Variants in LPP observed in about 807,000 individuals in gnomAD.
The protein encoded by LPP is LIM domain containing preferred translocation partner in lipoma, also known as lipoma-preferred partner.
A neutral mutation model predicts 60.4 loss-of-function variants in LPP; 38 were observed. That is an observed-to-expected ratio of 0.63 (90% CI 0.49 to 0.83). The LOEUF is 0.83. LPP is among the 40% of genes least tolerant of loss of function. The probability of loss-of-function intolerance (pLI) is 0.00; values close to 1 mark genes in which losing one functional copy is unlikely to be tolerated. For missense variants in LPP, 902 were observed against 783.6 expected (o/e 1.15, Z -1.80); for synonymous variants, 328 against 290.8 (o/e 1.13, Z -1.30).
At chr3:188,206,514 CAAGA>C (rs1311349017) in intron 1 of LPP, among the ~76,000 whole-genome samples, 1 of 152,202 alleles carries the variant, frequency 6.6e-6, no homozygotes, top group Non-Finnish European at 1.5e-5. Context: ...CACCGGCTCA[CAAGA>C]AAGGCAAGGT....
chr3:188,496,681 A>G (rs1471911538), intron 5 of LPP, among the ~76,000 whole-genome samples: 1 of 151,950 alleles, frequency 6.6e-6, no homozygotes, highest in African/African-American at 2.4e-5. Context: ...CTTTATATTC[A>G]TTTTTAGTGA....
At chr3:188,807,364 T>C (rs1749477853) in intron 9 of LPP, among the ~76,000 whole-genome samples, 1 of 152,064 alleles carries the variant, frequency 6.6e-6, no homozygotes, top group East Asian at 1.9e-4. Context: ...ATCCTGTTTG[T>C]CAGTCCCTTA....
chr3:188,726,559 G>A (rs2149968600), intron 8 of LPP, among the ~76,000 whole-genome samples: 1 of 152,264 alleles, frequency 6.6e-6, no homozygotes, highest in East Asian at 1.9e-4. Flanking sequence ...AGGTCAGATA[G>A]CAGTATATCC....
Position 188,572,265 on chromosome 3 carries a change from G to T in LPP, c.430-36896G>T, listed in dbSNP as rs978265035. On this transcript the variant is annotated intron_variant, in intron 6 of 11. Coordinates refer to ENST00000617246, the MANE Select transcript of LPP (RefSeq NM_001375462.1). The surrounding 1 kb of genome is among the most constrained non-coding windows in gnomAD (Gnocchi z 4.1). Reference sequence around the variant, plus strand: ...TTAAGCCATTTATTTCAACAAACATGTAATATATATTCTAACGACAAAGCC... The same window carrying T: ...TTAAGCCATTTATTTCAACAAACATTTAATATATATTCTAACGACAAAGCC... Among the ~76,000 whole-genome samples the T allele has an allele frequency of 1.3e-5, 2 of 152,066 alleles. No individual in the cohort carries two copies. Among genetic ancestry groups the T allele is most frequent in the African/African-American group, 4.8e-5 (2 of 41,420 alleles).
At position 188,881,350 on chromosome 3, in the gene LPP, G is replaced by C. The variant is rs1372760437; in HGVS notation, c.*6871G>C. ...ATGTCTGATATCACCAACTCATTCAGCTTTTCTTCACTTATTGACATAGTG... is the reference window on the plus strand; with the variant it reads ...ATGTCTGATATCACCAACTCATTCACCTTTTCTTCACTTATTGACATAGTG... On this transcript the variant is annotated 3_prime_UTR_variant, in exon 12 of 12. Transcript: ENST00000617246. 1 of 196,998 alleles carries C rather than the reference G, an allele frequency of 5.1e-6. No homozygotes were observed. The highest frequency in any genetic ancestry group is 1.1e-5 in the Non-Finnish European group (1 of 94,702). 12.2% of individuals were successfully genotyped at this position (196,998 alleles called of 1,614,324 possible).
chr3:188,432,372 G>A (rs771382558), intron 4 of LPP, among the ~76,000 whole-genome samples: 2 of 152,084 alleles, frequency 1.3e-5, no homozygotes, highest in South Asian at 2.1e-4. Flanking sequence ...AAGGAGAGAC[G>A]TCCTCTAAAT....
chr3:188,371,700 G>A (rs1221662234), intron 3 of LPP, among the ~76,000 whole-genome samples: 18 of 120,082 alleles, frequency 1.5e-4, no homozygotes, highest in Middle Eastern at 0.011. Context: ...TGTCGCCCAG[G>A]CTGGAGTGCA....
intron 6 of LPP, among the ~76,000 whole-genome samples, chr3:188,537,214 A>G (rs1230616885): frequency 6.6e-6 from 1 of 152,358 alleles, no homozygotes; most frequent in East Asian, 1.9e-4. Context: ...TAGGAAAATC[A>G]GAGTGGTCTG....
chr3:188,381,620 C>A (rs1446908775), intron 3 of LPP, among the ~76,000 whole-genome samples: 1 of 152,140 alleles, frequency 6.6e-6, no homozygotes, highest in African/African-American at 2.4e-5. Context: ...TGGATTGTGT[C>A]ATTCATTGAA....
Position 188,524,663 on chromosome 3 carries a change from AG to A in LPP, c.309del. Reference sequence around the variant, plus strand: ...TTAACATGTCTGTGTTGCTTCCAACAGGGGAATCCCGGAGGCAAGACACTTG... The same window carrying A: ...TTAACATGTCTGTGTTGCTTCCAACAGGGAATCCCGGAGGCAAGACACTTG... On this transcript the variant is annotated splice_acceptor_variant, in intron 5 of 11. Transcript: ENST00000617246. LOFTEE classifies it high-confidence loss of function. The A allele has an allele frequency of 6.2e-7, 1 of 1,612,776 alleles. No individual in the cohort carries two copies. The highest frequency in any genetic ancestry group is 8.5e-7 in the Non-Finnish European group (1 of 1,179,408).
At chr3:188,733,460 T>C (rs561646361) in intron 8 of LPP, among the ~76,000 whole-genome samples, 5 of 152,322 alleles carry the variant, frequency 3.3e-5, no homozygotes, top group Non-Finnish European at 7.3e-5. Context: ...CTAAAATCAA[T>C]TTTGAAAAAT....
intron 9 of LPP, among the ~76,000 whole-genome samples, chr3:188,796,619 C>T (rs1457113007): frequency 6.6e-6 from 1 of 152,108 alleles, no homozygotes; most frequent in Admixed American, 6.5e-5. Context: ...AAGATGAGCA[C>T]GAAGAAACCA....
rs1193535786 is a variant in LPP, at chr3:188,887,317, TTC to T, written c.*12846_*12847del. The T allele has an allele frequency of 9.2e-6, 2 of 216,686 alleles. No homozygotes were observed. The highest frequency in any genetic ancestry group is 1.9e-5 in the Non-Finnish European group (2 of 107,634). The allele number at this position is 216,686 out of a possible 1,614,324, so 13.4% of individuals were successfully genotyped here. On this transcript the variant is annotated 3_prime_UTR_variant, in exon 12 of 12. Transcript: ENST00000617246. ...TAAAAGGGAAAAAGTCAGTTCCTTC[TTC>T]TCTCTCTTTCTCTTTGGGTGACAGC... is the stretch of plus-strand genomic sequence containing the variant.
chr3:188,672,795 C>T (rs1413307937), intron 7 of LPP, among the ~76,000 whole-genome samples: 1 of 152,214 alleles, frequency 6.6e-6, no homozygotes, highest in African/African-American at 2.4e-5. Context: ...GCTCCTGGAG[C>T]TGCTGCCAAG....
intron 7 of LPP, among the ~76,000 whole-genome samples, chr3:188,639,903 CTT>C (rs1282990836): frequency 6.6e-6 from 1 of 151,962 alleles, no homozygotes; most frequent in African/African-American, 2.4e-5. Context: ...AATAGGAACA[CTT>C]TTACACTGTT....
intron 4 of LPP, among the ~76,000 whole-genome samples, chr3:188,463,413 C>T (rs1799619819): frequency 6.6e-6 from 1 of 151,546 alleles, no homozygotes; most frequent in South Asian, 2.1e-4. Flanking sequence ...CCAGGCTGGT[C>T]TTCAACTCCT....
chr3:188,510,252 C>T (rs1049952651), intron 5 of LPP, among the ~76,000 whole-genome samples: 1 of 152,150 alleles, frequency 6.6e-6, no homozygotes, highest in Non-Finnish European at 1.5e-5. Context: ...CTCCACCTAG[C>T]AAAGTAAAAG....
intron 4 of LPP, among the ~76,000 whole-genome samples, chr3:188,423,082 A>G (rs1044452849): frequency 2.6e-5 from 4 of 151,908 alleles, no homozygotes; most frequent in Admixed American, 2.0e-4. Flanking sequence ...TATTTCTCCT[A>G]ATGCTATCCC....
At chr3:188,358,424 C>G (rs578208139) in intron 3 of LPP, among the ~76,000 whole-genome samples, 2 of 152,058 alleles carry the variant, frequency 1.3e-5, no homozygotes, top group African/African-American at 2.4e-5. Flanking sequence ...GAAGGCGAGA[C>G]AACACACAAA....
Sources: gnomAD v4.1 joint callset for allele counts (sites outside exome capture counted in the v4.1 genomes callset) on GRCh38, gnomAD v4.1.1 for gene constraint, Gnocchi (gnomAD v3.1) non-coding constraint, MANE v1.5 for transcripts, NCBI Gene and HGNC (gene_info 2026-07-23, HGNC 2026-07-21) for gene names.